PGM2: variants seen among roughly 807,000 people sequenced by gnomAD.
PGM2 encodes the protein phosphoglucomutase 2.
A neutral mutation model predicts 74.6 loss-of-function variants in PGM2; 57 were observed. That is an observed-to-expected ratio of 0.76 (90% CI 0.62 to 0.95). The LOEUF is 0.95. Among genes scored for constraint, PGM2 ranks in the 40% least tolerant of loss-of-function variants. The pLI, the probability that PGM2 is intolerant of heterozygous loss-of-function variation, is 0.00. For synonymous variants in PGM2, 273 were observed against 260.7 expected (o/e 1.05, Z -0.46); for missense variants, 706 against 741.9 (o/e 0.95, Z 0.56).
intron 12 of PGM2, 53 bp downstream of exon 12, chr4:37,850,426 A>G (rs1577681140): frequency 2.0e-6 from 2 of 1,011,982 alleles, no homozygotes; most frequent in East Asian, 6.1e-5. Flanking sequence ...ACCTTTTAAA[A>G]TAATTTGAAT....
intron 11 of PGM2, among the ~76,000 whole-genome samples, chr4:37,849,135 G>A (rs1431136283): frequency 6.6e-6 from 1 of 151,158 alleles, no homozygotes; most frequent in Non-Finnish European, 1.5e-5. Flanking sequence ...TATGTAACAA[G>A]TTAGTAATTA....
In PGM2 at chr4:37,830,077, T is replaced by G. The variant is rs1255791401; in HGVS notation, c.195T>G (p.Ala65=). 1 of 1,604,608 alleles carries G rather than the reference T, an allele frequency of 6.2e-7. No individual in the cohort carries two copies. The highest frequency in any genetic ancestry group is 1.1e-5 in the South Asian group (1 of 89,584). The change falls in exon 2 of 14, where the codon GCT becomes GCG. Residue 65 remains alanine, a synonymous_variant. Coordinates refer to ENST00000381967, the MANE Select transcript of PGM2 (RefSeq NM_018290.4). ...TTGGGACAGCTGGCCTCCGAGCTGCTATGGGACCTGGAATTTCTCGTATGA... is the reference window on the plus strand; with the variant it reads ...TTGGGACAGCTGGCCTCCGAGCTGCGATGGGACCTGGAATTTCTCGTATGA... The part of the protein sequence containing the change: ...MEFGTAGLRA[A]MGPGISRMND...
intron 2 of PGM2, among the ~76,000 whole-genome samples, chr4:37,832,065 TCTC>T (rs1202586943): frequency 6.6e-6 from 1 of 152,210 alleles, no homozygotes; most frequent in Admixed American, 6.5e-5. Flanking sequence ...CTAGAATTCA[TCTC>T]CTCTGGGGGT....
At chr4:37,852,929 G>A (rs1391741297) in intron 12 of PGM2, among the ~76,000 whole-genome samples, 1 of 152,076 alleles carries the variant, frequency 6.6e-6, no homozygotes, top group Non-Finnish European at 1.5e-5. Context: ...TTATGTATCA[G>A]GAAAGGGAGC....
At chr4:37,828,568 T>C (rs538911171) in intron 1 of PGM2, among the ~76,000 whole-genome samples, 13 of 152,344 alleles carry the variant, frequency 8.5e-5, no homozygotes, top group African/African-American at 1.9e-4. Context: ...TTTTCTCTGC[T>C]GTCAGTTTTG....
chr4:37,858,561 GCT>G (rs1274280777), intron 13 of PGM2, among the ~76,000 whole-genome samples: 1 of 151,052 alleles, frequency 6.6e-6, no homozygotes, highest in African/African-American at 2.4e-5. Context: ...TGTCGGTCAG[GCT>G]GGGCTCGAAC....
At chr4:37,834,857 C>CCTG in intron 3 of PGM2, 133 bp downstream of exon 3, 2 of 463,262 alleles carry the variant, frequency 4.3e-6, no homozygotes. Flanking sequence ...TGGGTAAATT[C>CCTG]TCTTGGCAAC....
intron 4 of PGM2, among the ~76,000 whole-genome samples, chr4:37,838,967 C>T (rs1020469911): frequency 6.6e-6 from 1 of 152,102 alleles, no homozygotes; most frequent in African/African-American, 2.4e-5. Context: ...TAATCAATGT[C>T]ATTTGCCACA....
rs752344107 is a variant in PGM2 at position 37,855,733 on chromosome 4, T to TGG, written c.1730_1731dup (p.Asn578GlyfsTer8). 1 of 1,610,248 alleles carries TGG rather than the reference T, an allele frequency of 6.2e-7. No homozygotes were observed. The highest frequency in any genetic ancestry group is 1.3e-5 in the African/African-American group (1 of 74,632). Reference sequence around the variant, plus strand: ...ACTATGCAGAGCTGTGTGCCCCACCTGGGAACAGGTATGATGTGGATGGCA... The same window carrying TGG: ...ACTATGCAGAGCTGTGTGCCCCACCTGGGGGAACAGGTATGATGTGGATGGCA... On this transcript the variant is annotated frameshift_variant, in exon 13 of 14. Transcript: ENST00000381967. LOFTEE classifies it high-confidence loss of function.
chr4:37,840,093 A>G lies in PGM2; in HGVS notation c.553A>G (p.Ile185Val), dbSNP rs148083154. Residue 185 changes from isoleucine (I) to valine (V), a missense_variant, in exon 6 of 14, where the codon ATT becomes GTT. Coordinates refer to ENST00000381967, the MANE Select transcript of PGM2 (RefSeq NM_018290.4). The part of the protein sequence containing the change: ...KVYWDNGAQI[I>V]SPHDKGISQA... ...CTATTGGGATAATGGAGCTCAGATCATTTCTCCTCACGATAAAGGGATTTC... is the reference window on the plus strand; with the variant it reads ...CTATTGGGATAATGGAGCTCAGATCGTTTCTCCTCACGATAAAGGGATTTC... The G allele has an allele frequency of 2.9e-4, 466 of 1,614,004 alleles. 2 individuals are homozygous for G. In the African/African-American group the frequency reaches 5.8e-3, roughly 20 times the overall value.
intron 4 of PGM2, among the ~76,000 whole-genome samples, chr4:37,837,903 CAG>C (rs1181915734): frequency 1.3e-5 from 2 of 151,330 alleles, no homozygotes; most frequent in African/African-American, 4.9e-5. Flanking sequence ...TTTTTTGAGA[CAG>C]AGTCTCGCTC....
chr4:37,835,760 C>T (rs184156804), intron 3 of PGM2, among the ~76,000 whole-genome samples: 11 of 152,244 alleles, frequency 7.2e-5, no homozygotes, highest in East Asian at 5.8e-4. Flanking sequence ...GGTGCATAGC[C>T]GGGGAAAATC....
At chr4:37,831,571 G>A (rs1452394852) in intron 2 of PGM2, among the ~76,000 whole-genome samples, 2 of 152,090 alleles carry the variant, frequency 1.3e-5, no homozygotes, top group Non-Finnish European at 2.9e-5. Flanking sequence ...ATTATTACTG[G>A]CTATTGGCTG....
In PGM2 at chr4:37,826,760, G is replaced by T. The variant is rs1481330825; in HGVS notation, c.28G>T (p.Gly10Cys). 3 of 1,549,924 alleles carry T rather than the reference G, an allele frequency of 1.9e-6. No homozygotes were observed. Among genetic ancestry groups the T allele is most frequent in the Non-Finnish European group, 2.6e-6 (3 of 1,146,508 alleles). The change falls in exon 1 of 14, where the codon GGC (glycine) becomes TGC (cysteine). Residue 10 changes from glycine (G) to cysteine (C), a missense_variant. Gly to Cys is a radical substitution (Grantham distance 159). Transcript: ENST00000381967. ...GGCGGCTCCAGAAGGCAGCGGTCTA[G>T]GCGAGGACGCCCGGCTGGACCAGGA... The part of the protein sequence containing the change: MAAPEGSGL[G>C]EDARLDQETA...
chr4:37,850,077 C>A, intron 11 of PGM2, 107 bp from the exon 12 acceptor site: 1 of 649,950 alleles, frequency 1.5e-6, no homozygotes, highest in South Asian at 2.1e-5. Flanking sequence ...CGTGACCCAC[C>A]ACACCCAGCC....
chr4:37,847,080 C>T lies in PGM2; in HGVS notation c.1157C>T (p.Ala386Val). 1 of 1,613,566 alleles carries T rather than the reference C, an allele frequency of 6.2e-7. No homozygotes were observed. Among genetic ancestry groups the T allele is most frequent in the Non-Finnish European group, 8.5e-7 (1 of 1,179,608 alleles). The change falls in exon 9 of 14, where the codon GCC becomes GTC. Residue 386 changes from alanine to valine, a missense_variant. Ala to Val is a moderately conservative substitution (Grantham distance 64). Around this residue, in one of 3 missense-constraint regions of PGM2, gnomAD observed 359 missense variants for 371.1 expected, o/e 0.97. Coordinates refer to ENST00000381967, the MANE Select transcript of PGM2 (RefSeq NM_018290.4). ...ACCGTCTCCTCCAAAATCTTGCGGGCCATTGCCTTAAAGGAAGGTTTTCAT... is the reference window on the plus strand; with the variant it reads ...ACCGTCTCCTCCAAAATCTTGCGGGTCATTGCCTTAAAGGAAGGTTTTCAT... Reference protein sequence around the residue: ...SSTVSSKILRAIALKEGFHFE... With the variant: ...SSTVSSKILRVIALKEGFHFE...
intron 1 of PGM2, among the ~76,000 whole-genome samples, chr4:37,829,647 G>A (rs28580416): frequency 0.08 from 12,197 of 152,156 alleles, 928 homozygotes; most frequent in African/African-American, 0.18. Flanking sequence ...TTGAGAACTG[G>A]AATAATCTGC....
rs774775555 is a variant in PGM2, at chr4:37,848,601, A to G, written c.1362A>G (p.Leu454=). ...AVISAELASF[L]ATKNLSLSQQ... is the part of the protein sequence containing the mutation. ...TAAGTGCAGAGTTGGCTAGCTTCCT[A>G]GCAACCAAGAATTTGTCTTTGTCTC... is the stretch of plus-strand genomic sequence containing the variant. Residue 454 remains leucine, a synonymous_variant, in exon 11 of 14, where the codon CTA becomes CTG. Coordinates refer to ENST00000381967, the MANE Select transcript of PGM2 (RefSeq NM_018290.4). 6.2e-7 allele frequency: 1 copy of G among 1,613,886 alleles called. No individual in the cohort carries two copies. The highest frequency in any genetic ancestry group is 8.5e-7 in the Non-Finnish European group (1 of 1,179,736).
intron 1 of PGM2, among the ~76,000 whole-genome samples, chr4:37,827,313 G>GGGT (rs1225044260): frequency 2.0e-5 from 3 of 152,194 alleles, no homozygotes; most frequent in Non-Finnish European, 2.9e-5. Flanking sequence ...TTGTCCTCCC[G>GGGT]GGTGGGCCCG....
Sources: gnomAD v4.1 joint callset for allele counts (sites outside exome capture counted in the v4.1 genomes callset) on GRCh38, gnomAD v4.1.1 for gene constraint, gnomAD v4.1.1 regional missense constraint, MANE v1.5 for transcripts, NCBI Gene and HGNC (gene_info 2026-07-23, HGNC 2026-07-21) for gene names.